Variants in CSMD1 observed in about 807,000 individuals in gnomAD.
CSMD1 encodes CUB and Sushi multiple domains 1.
A neutral mutation model predicts 417.5 loss-of-function variants in CSMD1; 213 were observed. The observed-to-expected ratio is 0.51, with a 90% CI of 0.46 to 0.57. The LOEUF is 0.57. CSMD1 is among the 20% of genes least tolerant of loss of function. CSMD1 has a pLI of 0.00. For synonymous variants in CSMD1, 2,862 were observed against 1,736.8 expected, an observed-to-expected ratio of 1.65 and a Z score of -16.11; for missense variants, 6,923 against 4,529.7, an observed-to-expected ratio of 1.53 and a Z score of -15.17.
chr8:3,786,562 T>C (rs1302047801), intron 5 of CSMD1, among the ~76,000 whole-genome samples: 3 of 152,150 alleles, frequency 2.0e-5, no homozygotes, highest in African/African-American at 7.2e-5. Context: ...CTGAGGACTT[T>C]ACAACGGCCT....
At chr8:4,205,890 G>A (rs1026346018) in intron 3 of CSMD1, among the ~76,000 whole-genome samples, 2 of 152,140 alleles carry the variant, frequency 1.3e-5, no homozygotes, top group Non-Finnish European at 2.9e-5. Flanking sequence ...TATGCACTGT[G>A]CAGAAAATCA....
chr8:3,832,221 C>G (rs1802419052), intron 5 of CSMD1, among the ~76,000 whole-genome samples: 1 of 152,154 alleles, frequency 6.6e-6, no homozygotes, highest in African/African-American at 2.4e-5. Flanking sequence ...TGTGCCCTGT[C>G]CAGACCTGGT....
At chr8:4,056,391 GAATTT>G (rs111842936) in intron 3 of CSMD1, among the ~76,000 whole-genome samples, 4,479 of 150,586 alleles carry the variant, frequency 0.03, 222 homozygotes, top group African/African-American at 0.1. Flanking sequence ...CCATATTGGT[GAATTT>G]CTTTTTTTTT....
At chr8:4,502,270 C>G (rs189391152) in intron 2 of CSMD1, among the ~76,000 whole-genome samples, 5 of 152,008 alleles carry the variant, frequency 3.3e-5, no homozygotes, top group South Asian at 2.1e-4. Context: ...TTCTTGCACT[C>G]GCATATCATT....
chr8:4,764,164 G>A (rs566997925), intron 1 of CSMD1, among the ~76,000 whole-genome samples: 6 of 152,166 alleles, frequency 3.9e-5, no homozygotes, highest in Non-Finnish European at 7.3e-5. Flanking sequence ...TCTCTAAGGA[G>A]CACCCACTGC....
rs776257152 is a variant in CSMD1 at position 2,963,287 on chromosome 8, G to A, written c.9389C>T (p.Ser3130Phe). 1.9e-6 allele frequency: 3 copies of A among 1,613,838 alleles called. No individual in the cohort carries two copies. Among genetic ancestry groups the A allele is most frequent in the Non-Finnish European group, 2.5e-6 (3 of 1,179,888 alleles). The part of the protein sequence containing the change: ...SYSCMDGYQL[S>F]HSAILSCEGR... ...TTCACAGGAGAGGATGGCGGAGTGA[G>A]AGAGCTGGTAACCGTCCATGCAGCT... The change falls in exon 60 of 70, where the codon TCT becomes TTT. Residue 3130 changes from serine (S) to phenylalanine (F), a missense_variant. Transcript: ENST00000635120.
At chr8:4,525,898 T>C (rs111233349) in intron 2 of CSMD1, among the ~76,000 whole-genome samples, 203 of 152,278 alleles carry the variant, frequency 1.3e-3, no homozygotes, top group Non-Finnish European at 2.1e-3. Flanking sequence ...TATTGAATGA[T>C]AAGTGCAGGC....
chr8:3,088,079 CTT>C (rs1814672407), intron 48 of CSMD1, among the ~76,000 whole-genome samples: 1 of 152,184 alleles, frequency 6.6e-6, no homozygotes, highest in African/African-American at 2.4e-5. Context: ...AATGCATTCT[CTT>C]GAGTCAATTA....
intron 1 of CSMD1, among the ~76,000 whole-genome samples, chr8:4,869,145 CAAAAT>C (rs1372518775): frequency 2.2e-4 from 33 of 151,816 alleles, no homozygotes; most frequent in Non-Finnish European, 3.1e-4. Flanking sequence ...ATTTGTGACA[CAAAAT>C]AAATCTATCT....
intron 5 of CSMD1, among the ~76,000 whole-genome samples, chr8:3,813,122 G>A (rs1243094470): frequency 7.2e-6 from 1 of 139,678 alleles, no homozygotes; most frequent in Non-Finnish European, 1.5e-5. Context: ...ACTAGATGAA[G>A]ACTTTCACAT....
At chr8:3,363,180 T>C (rs1401812307) in intron 20 of CSMD1, among the ~76,000 whole-genome samples, 1 of 152,180 alleles carries the variant, frequency 6.6e-6, no homozygotes, top group African/African-American at 2.4e-5. Context: ...GTCCATTCCC[T>C]GCTTCACAAT....
chr8:4,121,969 GC>G (rs1802511224), intron 3 of CSMD1, among the ~76,000 whole-genome samples: 1 of 151,598 alleles, frequency 6.6e-6, no homozygotes, highest in Non-Finnish European at 1.5e-5. Context: ...TTTTAATAAT[GC>G]TTATGTATAG....
chr8:3,493,314 G>T lies in CSMD1; in HGVS notation c.1448+309C>A, dbSNP rs945430280. 5.2e-5 allele frequency among the ~76,000 whole-genome samples: 4 copies of T among 77,502 alleles called. No individual in the cohort carries two copies. In the South Asian group the frequency reaches 2.0e-3, roughly 38 times the overall value. The allele number at this position is 77,502 out of a possible 152,430, so 50.8% of individuals were successfully genotyped here. On this transcript the variant is annotated intron_variant, in intron 11 of 69. Coordinates refer to ENST00000635120, the MANE Select transcript of CSMD1 (RefSeq NM_033225.6). ...GTCTCAAAAAAAAAAAAAAAAAAAG[G>T]GGGGGCGGAGGGGTTGATTTGAAAA...
At chr8:4,000,572 C>A (rs186848065) in intron 4 of CSMD1, among the ~76,000 whole-genome samples, 40 of 152,266 alleles carry the variant, frequency 2.6e-4, no homozygotes, top group African/African-American at 8.9e-4. Context: ...TCATACTCTA[C>A]GTTGTTTTTC....
chr8:4,253,882 C>A (rs1339268645), intron 3 of CSMD1, among the ~76,000 whole-genome samples: 4 of 146,908 alleles, frequency 2.7e-5, no homozygotes, highest in African/African-American at 1.0e-4. Context: ...TACAAAGAGA[C>A]ACTACGTTCG....
At chr8:4,844,299 G>A (rs1045481650) in intron 1 of CSMD1, among the ~76,000 whole-genome samples, 1 of 152,114 alleles carries the variant, frequency 6.6e-6, no homozygotes, top group Admixed American at 6.5e-5. Context: ...ATGTCCTCCA[G>A]CATCAGTAGA....
chr8:4,099,809 A>C (rs542521275), intron 3 of CSMD1, among the ~76,000 whole-genome samples: 76 of 152,256 alleles, frequency 5.0e-4, no homozygotes, highest in African/African-American at 1.8e-3. Context: ...GGCTACTTTA[A>C]ATCCCTGATT....
At chr8:3,640,594 A>G (rs984967832) in intron 7 of CSMD1, among the ~76,000 whole-genome samples, 1 of 152,218 alleles carries the variant, frequency 6.6e-6, no homozygotes. Flanking sequence ...CTGAACCACT[A>G]CAAAATCAAA....
chr8:4,041,105 CT>C (rs1183940185), intron 3 of CSMD1, among the ~76,000 whole-genome samples: 12 of 150,138 alleles, frequency 8.0e-5, no homozygotes, highest in Non-Finnish European at 1.0e-4. Flanking sequence ...CAAGCTCCGC[CT>C]CCCGGGTTCC....
Sources: gnomAD v4.1 joint callset for allele counts (sites outside exome capture counted in the v4.1 genomes callset) on GRCh38, gnomAD v4.1.1 for gene constraint, MANE v1.5 for transcripts, NCBI Gene and HGNC (gene_info 2026-07-23, HGNC 2026-07-21) for gene names.